The following ALDH1A3 variants were observed in gnomAD, a reference collection of about 807,000 sequenced individuals.
The protein encoded by ALDH1A3 is aldehyde dehydrogenase 1 family member A3, also known as retinaldehyde dehydrogenase 3.
A neutral mutation model predicts 57.5 loss-of-function variants in ALDH1A3; 28 were observed. The observed-to-expected ratio is 0.49, with a 90% CI of 0.36 to 0.67. The LOEUF (loss-of-function observed/expected upper bound fraction) is 0.67. Among genes scored for constraint, ALDH1A3 ranks in the 30% least tolerant of loss-of-function variants. The pLI, the probability that ALDH1A3 is intolerant of heterozygous loss-of-function variation, is 0.00. For synonymous variants in ALDH1A3, 281 were observed against 264.8 expected (o/e 1.06, Z -0.59); for missense variants, 507 against 669.4 (o/e 0.76, Z 2.68).
In ALDH1A3 at chr15:100,904,275, G is replaced by A. The variant is rs1317695165; in HGVS notation, c.1069-1248G>A. Among the ~76,000 whole-genome samples, 7 of 151,362 alleles carry A rather than the reference G, an allele frequency of 4.6e-5. No homozygotes were observed. The East Asian group carries it at 9.7e-4, about 21-fold the overall frequency. Reference sequence around the variant, plus strand: ...GGGTTTGGAGTTTGGCCTGGTATAAGGTGTGAGGTATGGATCTGAGTCAGT... The same window carrying A: ...GGGTTTGGAGTTTGGCCTGGTATAAAGTGTGAGGTATGGATCTGAGTCAGT... On this transcript the variant is annotated intron_variant, in intron 9 of 12. Transcript: ENST00000329841.
At position 100,886,884 on chromosome 15, in the gene ALDH1A3, G is replaced by C. The variant is rs148828860; in HGVS notation, c.205-688G>C. Among the ~76,000 whole-genome samples, 648 of 152,296 alleles carry C rather than the reference G, an allele frequency of 4.3e-3. 6 individuals carry two copies. The highest frequency in any genetic ancestry group is 0.014 in the African/African-American group (573 of 41,550). The stretch of plus-strand genomic sequence containing the variant: ...GTCAGTTCTGCAATCCAGAAAGGAA[G>C]GAATTTCCCCATTCTCACTCTTGGA... On this transcript the variant is annotated intron_variant, in intron 2 of 12. Coordinates refer to ENST00000329841, the MANE Select transcript of ALDH1A3 (RefSeq NM_000693.4).
rs76890635 is a variant in ALDH1A3 at position 100,892,449 on chromosome 15, A to G, written c.346-61A>G. ...CTCTCCCCAACTTCCATCTTTAACA[A>G]CCTGACAGTGCAAAAGAAAAGCAAG... On this transcript the variant is annotated intron_variant, in intron 3 of 12. Transcript: ENST00000329841. The G allele has an allele frequency of 3.5e-3, 5,677 of 1,607,352 alleles. 81 individuals carry two copies. The East Asian group carries it at 0.04, about 11-fold the overall frequency.
intron 3 of ALDH1A3, among the ~76,000 whole-genome samples, chr15:100,890,197 C>T (rs1174707448): frequency 6.6e-6 from 1 of 152,176 alleles, no homozygotes; most frequent in African/African-American, 2.4e-5. Context: ...TAAGCCCTGC[C>T]GTGCTGTTTT....
Position 100,887,673 on chromosome 15 carries a change from G to C in ALDH1A3, c.306G>C (p.Gln102His). The part of the protein sequence containing the change: ...DALSRGRLLH[Q>H]LADLVERDRA... ...TGAGTCGTGGGCGGCTGCTGCACCA[G>C]CTGGCTGACCTGGTGGAGAGGGACC... is the stretch of plus-strand genomic sequence containing the variant. The change falls in exon 3 of 13, where the codon CAG becomes CAC. Residue 102 changes from glutamine to histidine, a missense_variant. Physicochemically the swap from Gln to His is conservative, Grantham distance 24. Transcript: ENST00000329841. The surrounding 1 kb of genome is among the most constrained non-coding windows in gnomAD (Gnocchi z 4.6). The C allele has an allele frequency of 6.2e-7, 1 of 1,610,496 alleles. No homozygotes were observed.
chr15:100,893,131 G>A lies in ALDH1A3; in HGVS notation c.537+125G>A, dbSNP rs964796915. 9 of 838,442 alleles carry A rather than the reference G, an allele frequency of 1.1e-5. No individual in the cohort carries two copies. The Admixed American group carries it at 1.3e-4, about 12-fold the overall frequency. 51.9% of individuals were successfully genotyped at this position (838,442 alleles called of 1,614,324 possible). ...CCAGCGTTGAACAAGCATTTTCTTC[G>A]TGGCATGGAACTCCATGCTTGGGGG... is the stretch of plus-strand genomic sequence containing the variant. On this transcript the variant is annotated intron_variant, in intron 5 of 12. Transcript: ENST00000329841. The surrounding 1 kb of genome is among the most constrained non-coding windows in gnomAD (Gnocchi z 4.8).
rs1296860409 is a variant in ALDH1A3 at position 100,879,885 on chromosome 15, G to A, written c.-23G>A. 9.5e-6 allele frequency: 13 copies of A among 1,373,222 alleles called. No homozygotes were observed. The Admixed American group carries it at 2.2e-4, about 23-fold the overall frequency. 85.1% of individuals were successfully genotyped at this position (1,373,222 alleles called of 1,614,324 possible). ...GGTGCGCCGCAGACTAGGGCGCCTC[G>A]GGCCAGGGAGCGCGGAGGAGCCATG... On this transcript the variant is annotated 5_prime_UTR_variant, in exon 1 of 13. Transcript: ENST00000329841.
intron 3 of ALDH1A3, among the ~76,000 whole-genome samples, chr15:100,888,048 T>A (rs2041613847): frequency 6.6e-6 from 1 of 152,176 alleles, no homozygotes; most frequent in Non-Finnish European, 1.5e-5. Flanking sequence ...CACCTGTGTG[T>A]TTATGTACTT....
rs74386167 is a variant in ALDH1A3, at chr15:100,885,376, A to C, written c.204+5A>C. ...GAAGTGGAAGAAGGAGATAAGGTAA[A>C]TACTTAAAATAAATTTGCTCTAAGT... On this transcript the variant is annotated splice_donor_5th_base_variant and intron_variant, in intron 2 of 12. Coordinates refer to ENST00000329841, the MANE Select transcript of ALDH1A3 (RefSeq NM_000693.4). 9.5e-4 allele frequency: 1,507 copies of C among 1,587,086 alleles called. 15 individuals carry two copies. In the African/African-American group the frequency reaches 0.018, roughly 19 times the overall value.
At chr15:100,896,475 C>T (rs900482664) in intron 7 of ALDH1A3, among the ~76,000 whole-genome samples, 5 of 151,502 alleles carry the variant, frequency 3.3e-5, no homozygotes, top group South Asian at 2.1e-4. Context: ...AGAAATACGA[C>T]GTGCCCATTA....
Position 100,901,181 on chromosome 15 carries a change from G to A in ALDH1A3, c.1068+422G>A, listed in dbSNP as rs1262515580. On this transcript the variant is annotated intron_variant, in intron 9 of 12. Coordinates refer to ENST00000329841, the MANE Select transcript of ALDH1A3 (RefSeq NM_000693.4). ...ATCAGAAATCAAACAATCCCAGACG[G>A]AGAGAGCCTGGGGCAGGAGAATGTA... 2.0e-5 allele frequency among the ~76,000 whole-genome samples: 3 copies of A among 152,290 alleles called. No homozygotes were observed. The South Asian group carries it at 6.2e-4, about 32-fold the overall frequency.
intron 12 of ALDH1A3, 104 bp downstream of exon 12, chr15:100,908,586 CA>C: frequency 9.8e-7 from 1 of 1,016,756 alleles, no homozygotes; most frequent in Non-Finnish European, 1.5e-6. Context: ...CCGTCCCCCC[CA>C]CACCGCCGCT....
At position 100,887,557 on chromosome 15, in the gene ALDH1A3, G is replaced by A; in HGVS notation, c.205-15G>A. Reference sequence around the variant, plus strand: ...CAAAAGATGACAGTCTCTCTCTGTTGTTCTGGTCGCTCAGCCCGACGTGGA... The same window carrying A: ...CAAAAGATGACAGTCTCTCTCTGTTATTCTGGTCGCTCAGCCCGACGTGGA... On this transcript the variant is annotated splice_polypyrimidine_tract_variant and intron_variant, in intron 2 of 12. Coordinates refer to ENST00000329841, the MANE Select transcript of ALDH1A3 (RefSeq NM_000693.4). The surrounding 1 kb of genome is among the most constrained non-coding windows in gnomAD (Gnocchi z 4.6). The A allele has an allele frequency of 6.4e-7, 1 of 1,570,556 alleles. No individual in the cohort carries two copies. The highest frequency in any genetic ancestry group is 1.2e-5 in the South Asian group (1 of 85,220).
At position 100,905,790 on chromosome 15, in the gene ALDH1A3, T is replaced by G; in HGVS notation, c.1233+103T>G. The stretch of plus-strand genomic sequence containing the variant: ...AGAAATCCTTGTGATCTGAGTGTTT[T>G]TTTGTTTTTGTTGCTGTTGTTGTCG... On this transcript the variant is annotated intron_variant, in intron 10 of 12. Coordinates refer to ENST00000329841, the MANE Select transcript of ALDH1A3 (RefSeq NM_000693.4). 2 of 1,220,988 alleles carry G rather than the reference T, an allele frequency of 1.6e-6. 1 individual carries two copies. The highest frequency in any genetic ancestry group is 3.2e-5 in the South Asian group (2 of 61,838). The allele number at this position is 1,220,988 out of a possible 1,614,324, so 75.6% of individuals were successfully genotyped here.
At chr15:100,895,707 G>A in intron 6 of ALDH1A3, 1 of 567,806 alleles carries the variant, frequency 1.8e-6, no homozygotes, top group Middle Eastern at 4.7e-4. Context: ...GGAGAAGTGG[G>A]CATCTCCCCT....
intron 9 of ALDH1A3, among the ~76,000 whole-genome samples, chr15:100,903,049 T>C (rs2041785814): frequency 6.6e-6 from 1 of 152,202 alleles, no homozygotes; most frequent in Admixed American, 6.5e-5. Flanking sequence ...CCGGGATCTG[T>C]TGCAAAGCTG....
chr15:100,914,240 C>T (rs2041909206), intron 12 of ALDH1A3: 1 of 155,236 alleles, frequency 6.4e-6, no homozygotes, highest in African/African-American at 2.4e-5. Context: ...CATCCCCAGC[C>T]AATAGCTTTG....
At chr15:100,905,913 G>C (rs1449986236) in intron 10 of ALDH1A3, among the ~76,000 whole-genome samples, 1 of 152,124 alleles carries the variant, frequency 6.6e-6, no homozygotes, top group Non-Finnish European at 1.5e-5. Flanking sequence ...GATACAGCAG[G>C]TACCTTGTTT....
chr15:100,912,468 AT>A (rs1286506115), intron 12 of ALDH1A3, among the ~76,000 whole-genome samples: 6 of 151,868 alleles, frequency 4.0e-5, no homozygotes. Context: ...AGTGTTGTAA[AT>A]TTTTTTTCTA....
At chr15:100,914,507 T>C in intron 12 of ALDH1A3, 194 bp from the exon 13 acceptor site, 1 of 521,242 alleles carries the variant, frequency 1.9e-6, no homozygotes, top group East Asian at 3.0e-5. Flanking sequence ...ATATTTACAT[T>C]TAAGTCACAT....
Sources: allele counts gnomAD v4.1 joint callset (sites outside exome capture counted in the v4.1 genomes callset), GRCh38; gene constraint gnomAD v4.1.1; non-coding constraint Gnocchi (gnomAD v3.1); transcripts MANE v1.5; gene names NCBI Gene and HGNC (gene_info 2026-07-23, HGNC 2026-07-21).